Variants in TCERG1L observed in about 807,000 individuals in gnomAD.
TCERG1L encodes transcription elongation regulator 1-like protein.
TCERG1L carries 37 observed loss-of-function variants against 56.3 expected under a neutral mutation model. The ratio of observed to expected loss-of-function variants is 0.66; its 90% CI spans 0.51 to 0.87. The LOEUF (loss-of-function observed/expected upper bound fraction) is 0.87, where lower values mean the gene tolerates loss of function less well. Among genes scored for constraint, TCERG1L ranks in the 40% least tolerant of loss-of-function variants. TCERG1L has a pLI of 0.00. For synonymous variants in TCERG1L, 324 were observed against 326.3 expected, an observed-to-expected ratio of 0.99 and a Z score of 0.08; for missense variants, 799 against 774.2, an observed-to-expected ratio of 1.03 and a Z score of -0.38.
chr10:131,204,035 C>T (rs1845487108), intron 4 of TCERG1L, among the ~76,000 whole-genome samples: 1 of 152,186 alleles, frequency 6.6e-6, no homozygotes, highest in Non-Finnish European at 1.5e-5. Flanking sequence ...AGAGCAGAGC[C>T]CTCATGGATG....
intron 3 of TCERG1L, among the ~76,000 whole-genome samples, chr10:131,274,759 T>C (rs1437060294): frequency 2.0e-5 from 3 of 152,170 alleles, no homozygotes; most frequent in African/African-American, 7.2e-5. Context: ...CTTGTGCTTT[T>C]CCAGCTGAGC....
intron 7 of TCERG1L, among the ~76,000 whole-genome samples, chr10:131,141,940 T>A (rs930986256): frequency 6.6e-6 from 1 of 152,098 alleles, no homozygotes; most frequent in Non-Finnish European, 1.5e-5. Context: ...GCTCACCCCT[T>A]CCCTTGCACC....
chr10:131,245,505 C>T (rs759171589), intron 4 of TCERG1L, among the ~76,000 whole-genome samples: 1 of 152,222 alleles, frequency 6.6e-6, no homozygotes, highest in Admixed American at 6.5e-5. Context: ...TCCCTCCAGC[C>T]TTCTGCATTT....
intron 4 of TCERG1L, among the ~76,000 whole-genome samples, chr10:131,209,161 G>A (rs1369460324): frequency 6.6e-6 from 1 of 152,152 alleles, no homozygotes; most frequent in Non-Finnish European, 1.5e-5. Flanking sequence ...GGTGCGTAGG[G>A]AACATCAGTG....
In TCERG1L at chr10:131,223,033, G is replaced by T. The variant is rs530342098; in HGVS notation, c.856+37226C>A. On this transcript the variant is annotated intron_variant, in intron 4 of 11. Coordinates refer to ENST00000368642, the MANE Select transcript of TCERG1L (RefSeq NM_174937.4). ...GATGGTGACTTTTCCCTTCCCTGGG[G>T]TTCACGAGATGCAAGCACCATTCTT... Among the ~76,000 whole-genome samples, 47 of 152,304 alleles carry T rather than the reference G, an allele frequency of 3.1e-4. 2 individuals carry two copies. The South Asian group carries it at 9.1e-3, about 29-fold the overall frequency.
intron 6 of TCERG1L, among the ~76,000 whole-genome samples, chr10:131,147,537 A>G (rs12414068): frequency 0.076 from 11,531 of 152,222 alleles, 773 homozygotes; most frequent in East Asian, 0.34. Flanking sequence ...TCAGGGTGCT[A>G]TTAGAGATTG....
intron 4 of TCERG1L, among the ~76,000 whole-genome samples, chr10:131,229,574 T>C (rs972934693): frequency 7.9e-5 from 12 of 152,046 alleles, no homozygotes; most frequent in Non-Finnish European, 1.5e-4. Context: ...AAATACCAAT[T>C]ACCAATTAGC....
intron 4 of TCERG1L, among the ~76,000 whole-genome samples, chr10:131,206,722 G>A (rs1234960586): frequency 5.9e-5 from 9 of 152,196 alleles, no homozygotes; most frequent in African/African-American, 1.9e-4. Flanking sequence ...CTCAGCCAGG[G>A]TGAAATAGTG....
intron 4 of TCERG1L, among the ~76,000 whole-genome samples, chr10:131,222,657 G>T (rs964185812): frequency 6.6e-6 from 1 of 152,194 alleles, no homozygotes; most frequent in Non-Finnish European, 1.5e-5. Flanking sequence ...TGAGGGTATG[G>T]CCGAGCCTTT....
At position 131,250,372 on chromosome 10, in the gene TCERG1L, A is replaced by T. The variant is rs578122667; in HGVS notation, c.856+9887T>A. On this transcript the variant is annotated intron_variant, in intron 4 of 11. Transcript: ENST00000368642. ...TGAGAGGTTTGCAGATGTTCAAGTGAGGTGGAGGGATCGTGGGCTATTTTC... is the reference window on the plus strand; with the variant it reads ...TGAGAGGTTTGCAGATGTTCAAGTGTGGTGGAGGGATCGTGGGCTATTTTC... Among the ~76,000 whole-genome samples, 25 of 93,676 alleles carry T rather than the reference A, an allele frequency of 2.7e-4. 1 individual carries two copies. The South Asian group carries it at 6.2e-3, about 23-fold the overall frequency. The allele number at this position is 93,676 out of a possible 152,430, so 61.5% of individuals were successfully genotyped here.
intron 3 of TCERG1L, among the ~76,000 whole-genome samples, chr10:131,269,646 A>G (rs1214553659): frequency 6.6e-6 from 1 of 152,238 alleles, no homozygotes; most frequent in African/African-American, 2.4e-5. Context: ...GTGGCTCCCC[A>G]AAACAATCAC....
At chr10:131,098,906 C>T (rs1288151618) in intron 10 of TCERG1L, among the ~76,000 whole-genome samples, 3 of 152,218 alleles carry the variant, frequency 2.0e-5, no homozygotes, top group African/African-American at 7.2e-5. Flanking sequence ...ACGTAATTGA[C>T]ATTCGAGTCT....
intron 8 of TCERG1L, among the ~76,000 whole-genome samples, chr10:131,121,316 G>A (rs1485875232): frequency 6.6e-6 from 1 of 152,198 alleles, no homozygotes; most frequent in Non-Finnish European, 1.5e-5. Flanking sequence ...AGGTGAGGAT[G>A]ACTTGCTGTA....
At chr10:131,111,207 C>T (rs1007357197) in intron 9 of TCERG1L, among the ~76,000 whole-genome samples, 1 of 142,804 alleles carries the variant, frequency 7.0e-6, no homozygotes, top group Non-Finnish European at 1.6e-5. Context: ...TGGGCTCAGC[C>T]GGGCACACTC....
At chr10:131,234,365 TA>T (rs1356716717) in intron 4 of TCERG1L, among the ~76,000 whole-genome samples, 7 of 152,238 alleles carry the variant, frequency 4.6e-5, no homozygotes, top group African/African-American at 1.7e-4. Context: ...TTACAAATAA[TA>T]TTTTTTTCAA....
At chr10:131,268,296 T>C (rs1237724256) in intron 3 of TCERG1L, among the ~76,000 whole-genome samples, 2 of 152,226 alleles carry the variant, frequency 1.3e-5, no homozygotes, top group African/African-American at 2.4e-5. Context: ...TTCTGAACAG[T>C]AGGTCTCAAT....
intron 11 of TCERG1L, chr10:131,095,397 G>A (rs1211845036): frequency 6.6e-6 from 1 of 152,330 alleles, no homozygotes; most frequent in South Asian, 2.1e-4. Flanking sequence ...GGCTGCTCAG[G>A]ACCGAGGCTG....
At chr10:131,122,071 A>G (rs1251854144) in intron 8 of TCERG1L, among the ~76,000 whole-genome samples, 2 of 152,242 alleles carry the variant, frequency 1.3e-5, no homozygotes, top group African/African-American at 2.4e-5. Context: ...AGCCTCCCCA[A>G]GGGCGCTTTG....
At chr10:131,134,799 G>C (rs1473129603) in intron 7 of TCERG1L, among the ~76,000 whole-genome samples, 1 of 152,144 alleles carries the variant, frequency 6.6e-6, no homozygotes, top group African/African-American at 2.4e-5. Context: ...GTTCTTGAGA[G>C]GGAACCATGA....
Sources: gnomAD v4.1 joint callset for allele counts (sites outside exome capture counted in the v4.1 genomes callset) on GRCh38, gnomAD v4.1.1 for gene constraint, MANE v1.5 for transcripts, NCBI Gene and HGNC (gene_info 2026-07-23, HGNC 2026-07-21) for gene names.